The following GNG7 variants were observed in gnomAD, a reference collection of about 807,000 sequenced individuals.
GNG7 encodes guanine nucleotide-binding protein G(I)/G(S)/G(O) subunit gamma-7.
A neutral mutation model predicts 4.0 loss-of-function variants in GNG7; 1 was observed. That is an observed-to-expected ratio of 0.25 (90% CI 0.09 to 1.18). GNG7 has a LOEUF of 1.18. Among genes scored for constraint, GNG7 ranks in the 50% most tolerant of loss-of-function variants. The pLI, the probability that GNG7 is intolerant of heterozygous loss-of-function variation, is 0.50. For missense variants in GNG7, 86 were observed against 91.9 expected (o/e 0.94, Z 0.26); for synonymous variants, 34 against 36.9 (o/e 0.92, Z 0.29).
chr19:2,665,470 G>C (rs1407039080), intron 1 of GNG7, among the ~76,000 whole-genome samples: 1 of 151,942 alleles, frequency 6.6e-6, no homozygotes, highest in African/African-American at 2.4e-5. Context: ...TGGGAAGAGG[G>C]CCATGCGGGA....
At chr19:2,620,274 C>G (rs1034318474) in intron 2 of GNG7, among the ~76,000 whole-genome samples, 1 of 134,808 alleles carries the variant, frequency 7.4e-6, no homozygotes, top group African/African-American at 3.0e-5. Context: ...GAGGAGAGGA[C>G]CCTGTAGAAT....
At chr19:2,659,979 G>C (rs754304169) in intron 1 of GNG7, among the ~76,000 whole-genome samples, 1 of 151,920 alleles carries the variant, frequency 6.6e-6, no homozygotes, top group Non-Finnish European at 1.5e-5. Flanking sequence ...ATACCATGAG[G>C]ATCAAAATCT....
At chr19:2,610,140 T>C (rs1039740569) in intron 2 of GNG7, 1 of 150,348 alleles carries the variant, frequency 6.7e-6, no homozygotes, top group Non-Finnish European at 1.5e-5. Flanking sequence ...ACAAAGACCT[T>C]CTTTATTTAT....
intron 3 of GNG7, among the ~76,000 whole-genome samples, chr19:2,553,820 A>G (rs1256937115): frequency 1.0e-5 from 1 of 99,448 alleles, no homozygotes; most frequent in Non-Finnish European, 2.2e-5. Flanking sequence ...TATCACATAC[A>G]TGTACATATT....
intron 2 of GNG7, among the ~76,000 whole-genome samples, chr19:2,640,945 C>T (rs531417516): frequency 6.6e-6 from 1 of 152,152 alleles, no homozygotes; most frequent in Admixed American, 6.5e-5. Context: ...CAAGTTCTGA[C>T]GTCAATCAGG....
chr19:2,681,691 C>G (rs1238853414), intron 1 of GNG7, among the ~76,000 whole-genome samples: 1 of 152,158 alleles, frequency 6.6e-6, no homozygotes, highest in Non-Finnish European at 1.5e-5. Flanking sequence ...AACTGCCAGG[C>G]TGTTTCCAGA....
Position 2,528,678 on chromosome 19 carries a change from G to C in GNG7, c.-37-7953C>G, listed in dbSNP as rs551124645. Among the ~76,000 whole-genome samples, 5 of 152,294 alleles carry C rather than the reference G, an allele frequency of 3.3e-5. No homozygotes were observed. In the South Asian group the frequency reaches 1.0e-3, roughly 32 times the overall value. ...ACAGCTCCCACAGAGGAGGGAACTC[G>C]GGAAGGTGGTAGGCCAGAAATCTGC... On this transcript the variant is annotated intron_variant, in intron 3 of 4. Transcript: ENST00000382159.
intron 1 of GNG7, among the ~76,000 whole-genome samples, chr19:2,686,340 T>C (rs1452494130): frequency 1.3e-5 from 2 of 152,062 alleles, no homozygotes; most frequent in Non-Finnish European, 2.9e-5. Flanking sequence ...GTATTTTTAG[T>C]AGAGACGGGG....
At position 2,622,226 on chromosome 19, in the gene GNG7, C is replaced by T. The variant is rs186351779; in HGVS notation, c.-78+23998G>A. Among the ~76,000 whole-genome samples, 733 of 152,182 alleles carry T rather than the reference C, an allele frequency of 4.8e-3. 4 individuals carry two copies. The highest frequency in any genetic ancestry group is 8.5e-3 in the Non-Finnish European group (579 of 67,980). On this transcript the variant is annotated intron_variant, in intron 2 of 4. Transcript: ENST00000382159. Reference sequence around the variant, plus strand: ...TCCTGAGTAGCTGGGACTACAGGCGCCCGCCACCACACCCGGCTAATTTTT... The same window carrying T: ...TCCTGAGTAGCTGGGACTACAGGCGTCCGCCACCACACCCGGCTAATTTTT...
intron 1 of GNG7, among the ~76,000 whole-genome samples, chr19:2,684,259 C>G (rs917334034): frequency 6.6e-6 from 1 of 151,670 alleles, no homozygotes; most frequent in Non-Finnish European, 1.5e-5. Flanking sequence ...GCCTCAGCCT[C>G]GCGAGTAGCT....
intron 2 of GNG7, among the ~76,000 whole-genome samples, chr19:2,575,754 C>A (rs1980305163): frequency 8.1e-6 from 1 of 123,122 alleles, no homozygotes; most frequent in African/African-American, 3.6e-5. Context: ...CAGGCACACG[C>A]AGACACGCAG....
intron 2 of GNG7, among the ~76,000 whole-genome samples, chr19:2,568,376 GAC>G (rs536558144): frequency 1.4e-3 from 202 of 145,044 alleles, no homozygotes; most frequent in African/African-American, 4.7e-3. Context: ...CACACATATA[GAC>G]ACACATATAC....
intron 2 of GNG7, among the ~76,000 whole-genome samples, chr19:2,591,204 G>C (rs561927374): frequency 6.6e-6 from 1 of 152,108 alleles, no homozygotes; most frequent in African/African-American, 2.4e-5. Flanking sequence ...GCCGTTCCAC[G>C]CTGGAAGGCT....
chr19:2,642,378 G>GT, intron 2 of GNG7: 1 of 241,402 alleles, frequency 4.1e-6, no homozygotes, highest in Non-Finnish European at 8.2e-6. Flanking sequence ...ATTTGTTTCT[G>GT]TTTTTTAGAC....
At chr19:2,581,219 T>G (rs978139883) in intron 2 of GNG7, among the ~76,000 whole-genome samples, 1 of 151,702 alleles carries the variant, frequency 6.6e-6, no homozygotes, top group African/African-American at 2.4e-5. Flanking sequence ...TGAAAGTGAT[T>G]AATCTCTGCT....
At chr19:2,649,353 G>A (rs1486223330) in intron 1 of GNG7, among the ~76,000 whole-genome samples, 1 of 139,100 alleles carries the variant, frequency 7.2e-6, no homozygotes, top group African/African-American at 2.6e-5. Context: ...CAAACTGAGA[G>A]AGGCGGATAC....
At chr19:2,635,959 G>A (rs779347769) in intron 2 of GNG7, among the ~76,000 whole-genome samples, 6 of 152,200 alleles carry the variant, frequency 3.9e-5, no homozygotes, top group African/African-American at 7.2e-5. Flanking sequence ...ACTGGCGGGT[G>A]CACCTGGCAT....
At chr19:2,567,148 A>C (rs1374240429) in intron 2 of GNG7, among the ~76,000 whole-genome samples, 1 of 140,328 alleles carries the variant, frequency 7.1e-6, no homozygotes, top group East Asian at 1.9e-4. Context: ...AAAAACAAAA[A>C]AAAAAACACA....
chr19:2,525,970 A>ATTTTTTT (rs1568231777), intron 3 of GNG7, among the ~76,000 whole-genome samples: 4 of 26,780 alleles, frequency 1.5e-4, no homozygotes, highest in African/African-American at 1.2e-3. Flanking sequence ...CCTCCACGCC[A>ATTTTTTT]ATTTTTTTTT....
Sources: gnomAD v4.1 joint callset for allele counts (sites outside exome capture counted in the v4.1 genomes callset) on GRCh38, gnomAD v4.1.1 for gene constraint, MANE v1.5 for transcripts, NCBI Gene and HGNC (gene_info 2026-07-23, HGNC 2026-07-21) for gene names.